Variants in DDR2 observed in about 807,000 individuals in gnomAD.
The protein encoded by DDR2 is discoidin domain receptor tyrosine kinase 2, also known as discoidin domain-containing receptor 2.
Under a neutral mutation model 94.9 loss-of-function variants are expected in DDR2, and 27 were observed. The ratio of observed to expected loss-of-function variants is 0.28; its 90% CI spans 0.21 to 0.39. The LOEUF is 0.39. Ranked by LOEUF, DDR2 falls within the 10% of genes least tolerant of loss-of-function variation. The pLI, the probability that DDR2 is intolerant of heterozygous loss-of-function variation, is 1.00. For synonymous variants in DDR2, 382 were observed against 377.2 expected, an observed-to-expected ratio of 1.01 and a Z score of -0.15; for missense variants, 783 against 1,076.0, an observed-to-expected ratio of 0.73 and a Z score of 3.81.
At chr1:162,756,519 A>G (rs1663472717) in intron 7 of DDR2, among the ~76,000 whole-genome samples, 1 of 152,216 alleles carries the variant, frequency 6.6e-6, no homozygotes, top group Non-Finnish European at 1.5e-5. Context: ...AGCCCACACT[A>G]ACACTTTTCT....
chr1:162,659,199 A>G (rs1224925323), intron 2 of DDR2, among the ~76,000 whole-genome samples: 1 of 152,218 alleles, frequency 6.6e-6, no homozygotes, highest in Non-Finnish European at 1.5e-5. Flanking sequence ...AAAGGAATGA[A>G]AAAGAGAATT....
At chr1:162,691,586 AGT>A (rs2101977162) in intron 2 of DDR2, among the ~76,000 whole-genome samples, 1 of 152,358 alleles carries the variant, frequency 6.6e-6, no homozygotes, top group African/African-American at 2.4e-5. Flanking sequence ...GAATAAGACC[AGT>A]GTCTAGTGAC....
chr1:162,736,850 C>T (rs1662321142), intron 3 of DDR2, among the ~76,000 whole-genome samples: 1 of 152,098 alleles, frequency 6.6e-6, no homozygotes. Context: ...ATGAAAATTC[C>T]TGAAGGAGAA....
At chr1:162,681,464 T>C (rs949921508) in intron 2 of DDR2, among the ~76,000 whole-genome samples, 6 of 152,166 alleles carry the variant, frequency 3.9e-5, no homozygotes, top group African/African-American at 7.2e-5. Flanking sequence ...TTATGGATGA[T>C]GAAGGTGGTA....
Position 162,785,528 on chromosome 1 carries a change from G to A in DDR2, c.*5282G>A, listed in dbSNP as rs1161940613. ...CCAGTTTTGTGGATTACAGTTTTGAGTTTTATGATTGACATTTTTAAGTCC... is the reference window on the plus strand; with the variant it reads ...CCAGTTTTGTGGATTACAGTTTTGAATTTTATGATTGACATTTTTAAGTCC... On this transcript the variant is annotated 3_prime_UTR_variant, in exon 18 of 18. Transcript: ENST00000367921. 1.3e-5 allele frequency: 2 copies of A among 152,158 alleles called. No individual in the cohort carries two copies. Among genetic ancestry groups the A allele is most frequent in the Non-Finnish European group, 2.9e-5 (2 of 68,022 alleles). 9.4% of individuals were successfully genotyped at this position (152,158 alleles called of 1,614,324 possible).
intron 3 of DDR2, among the ~76,000 whole-genome samples, chr1:162,735,831 T>G (rs774022843): frequency 3.9e-5 from 6 of 152,264 alleles, no homozygotes; most frequent in Non-Finnish European, 7.3e-5. Flanking sequence ...TAGTTGCCAT[T>G]CTCAGAATGA....
chr1:162,649,782 C>G (rs967089005), intron 1 of DDR2, among the ~76,000 whole-genome samples: 2 of 152,192 alleles, frequency 1.3e-5, no homozygotes, highest in South Asian at 4.1e-4. Context: ...CTGACTCCAA[C>G]CACATCATGT....
At chr1:162,760,387 C>T (rs1332736225) in intron 8 of DDR2, among the ~76,000 whole-genome samples, 1 of 147,144 alleles carries the variant, frequency 6.8e-6, no homozygotes, top group African/African-American at 2.6e-5. Context: ...TGTGTATACA[C>T]ACACAACTAT....
At chr1:162,752,079 G>A (rs1399767499) in intron 3 of DDR2, among the ~76,000 whole-genome samples, 2 of 151,594 alleles carry the variant, frequency 1.3e-5, no homozygotes, top group Admixed American at 1.3e-4. Context: ...ACACCAACAT[G>A]GCACATGTAT....
Position 162,780,198 on chromosome 1 carries a change from C to G in DDR2, c.2520C>G (p.Pro840=). The stretch of plus-strand genomic sequence containing the variant: ...GGAGAAGAGATACGAAGAACCGTCC[C>G]TCATTCCAAGAAATCCACCTTCTGC... ...SCWRRDTKNR[P]SFQEIHLLLL... Residue 840 remains proline, a synonymous_variant, in exon 18 of 18, where the codon CCC becomes CCG. Coordinates refer to ENST00000367921, the MANE Select transcript of DDR2 (RefSeq NM_006182.4). The G allele has an allele frequency of 6.2e-7, 1 of 1,614,016 alleles. No homozygotes were observed.
chr1:162,756,060 A>C (rs1259972272), intron 7 of DDR2, among the ~76,000 whole-genome samples: 1 of 152,222 alleles, frequency 6.6e-6, no homozygotes, highest in Non-Finnish European at 1.5e-5. Context: ...TTGACCCTCA[A>C]AACAGGACAT....
chr1:162,741,037 C>T (rs968038186), intron 3 of DDR2, among the ~76,000 whole-genome samples: 2 of 151,812 alleles, frequency 1.3e-5, no homozygotes, highest in Non-Finnish European at 2.9e-5. Flanking sequence ...ATGTGATCTA[C>T]GTCAATCCCT....
At chr1:162,741,263 G>GTAATA (rs71581465) in intron 3 of DDR2, among the ~76,000 whole-genome samples, 170 of 125,298 alleles carry the variant, frequency 1.4e-3, no homozygotes, top group African/African-American at 5.3e-3. Flanking sequence ...GTAATGTAAT[G>GTAATA]TAATATAATA....
intron 9 of DDR2, among the ~76,000 whole-genome samples, chr1:162,764,046 A>T (rs2102163834): frequency 6.6e-6 from 1 of 152,334 alleles, no homozygotes; most frequent in Non-Finnish European, 1.5e-5. Context: ...CAGTCAAAGC[A>T]CTATGTTCTA....
chr1:162,681,053 C>A (rs539671437), intron 2 of DDR2, among the ~76,000 whole-genome samples: 1 of 152,210 alleles, frequency 6.6e-6, no homozygotes, highest in South Asian at 2.1e-4. Context: ...GCCAAAAGAT[C>A]CAGATTGAAA....
At chr1:162,703,477 C>T (rs1244293912) in intron 2 of DDR2, among the ~76,000 whole-genome samples, 2 of 152,120 alleles carry the variant, frequency 1.3e-5, no homozygotes, top group Non-Finnish European at 2.9e-5. Flanking sequence ...CACTGTTGTC[C>T]ATTTAGTGCC....
At position 162,741,209 on chromosome 1, in the gene DDR2, C is replaced by CAATACAATACAATAT. The variant is rs368631311; in HGVS notation, c.83-11882_83-11881insCAATACAATATAATA. ...TAACATAACATAATACAATACAATA[C>CAATACAATACAATAT]AATATAATATAATATAATATAATAT... is the stretch of plus-strand genomic sequence containing the variant. On this transcript the variant is annotated intron_variant, in intron 3 of 17. Coordinates refer to ENST00000367921, the MANE Select transcript of DDR2 (RefSeq NM_006182.4). Among the ~76,000 whole-genome samples, 695 of 69,622 alleles carry CAATACAATACAATAT rather than the reference C, an allele frequency of 1.0e-2. 14 individuals carry two copies. Among genetic ancestry groups the CAATACAATACAATAT allele is most frequent in the Non-Finnish European group, 0.016 (491 of 31,384 alleles). The allele number at this position is 69,622 out of a possible 152,430, so 45.7% of individuals were successfully genotyped here.
intron 11 of DDR2, among the ~76,000 whole-genome samples, chr1:162,769,546 A>C (rs1320019011): frequency 6.6e-6 from 1 of 152,252 alleles, no homozygotes; most frequent in Admixed American, 6.5e-5. Context: ...AAAAGTGCAC[A>C]TCTAAGTTTC....
rs1277657100 is a variant in DDR2, at chr1:162,780,449, A to G, written c.*203A>G. 4 of 651,646 alleles carry G rather than the reference A, an allele frequency of 6.1e-6. No homozygotes were observed. The highest frequency in any genetic ancestry group is 3.1e-5 in the Admixed American group (1 of 32,202). 40.4% of individuals were successfully genotyped at this position (651,646 alleles called of 1,614,324 possible). On this transcript the variant is annotated 3_prime_UTR_variant, in exon 18 of 18. Coordinates refer to ENST00000367921, the MANE Select transcript of DDR2 (RefSeq NM_006182.4). The stretch of plus-strand genomic sequence containing the variant: ...TTTTTTTTTTTACATTAAAGAACTA[A>G]AAAAGGAAAAAAAAAAGCCTAGGGC...
Sources: gnomAD v4.1 joint callset for allele counts (sites outside exome capture counted in the v4.1 genomes callset) on GRCh38, gnomAD v4.1.1 for gene constraint, MANE v1.5 for transcripts, NCBI Gene and HGNC (gene_info 2026-07-23, HGNC 2026-07-21) for gene names.